LINS1: variants seen among roughly 807,000 people sequenced by gnomAD.
The protein encoded by LINS1 is protein Lines homolog 1.
In LINS1, 27 loss-of-function variants were observed where a neutral mutation model predicts 41.6. That is an observed-to-expected ratio of 0.65 (90% CI 0.48 to 0.89). The LOEUF is 0.89. Among genes scored for constraint, LINS1 ranks in the 40% least tolerant of loss-of-function variants. LINS1 has a pLI of 0.00. For missense variants in LINS1, 955 were observed against 884.1 expected (o/e 1.08, Z -1.02); for synonymous variants, 336 against 312.9 (o/e 1.07, Z -0.78).
At chr15:100,571,756 A>G in intron 6 of LINS1, 138 bp downstream of exon 6, 1 of 1,008,404 alleles carries the variant, frequency 9.9e-7, no homozygotes, top group Non-Finnish European at 1.5e-6. Context: ...CATGTAAGTC[A>G]GGGTTAAAGA....
intron 1 of LINS1, among the ~76,000 whole-genome samples, 177 bp downstream of exon 1, chr15:100,601,944 C>T (rs769097056): frequency 5.3e-5 from 8 of 152,298 alleles, no homozygotes; most frequent in Non-Finnish European, 4.4e-5. Flanking sequence ...GACAGCCGCG[C>T]CAAGACCGGG....
Position 100,570,265 on chromosome 15 carries a change from A to ATTCCC in LINS1, c.1395-153_1395-149dup, listed in dbSNP as rs1236901275. On this transcript the variant is annotated intron_variant, in intron 6 of 6. Transcript: ENST00000314742. ...CTTAAAAGAAAAAATTTCAAAACCCATTCCCTTCCCCATAAGCTCTAAAGA... is the reference window on the plus strand; with the variant it reads ...CTTAAAAGAAAAAATTTCAAAACCCATTCCCTTCCCTTCCCCATAAGCTCTAAAGA... 3 of 597,152 alleles carry ATTCCC rather than the reference A, an allele frequency of 5.0e-6. No homozygotes were observed. In the African/African-American group the frequency reaches 5.7e-5, roughly 11 times the overall value. The allele number at this position is 597,152 out of a possible 1,614,324, so 37.0% of individuals were successfully genotyped here.
intron 3 of LINS1, 84 bp from the exon 4 acceptor site, chr15:100,575,212 T>A: frequency 8.0e-7 from 1 of 1,250,234 alleles, no homozygotes; most frequent in Non-Finnish European, 1.1e-6. Context: ...GTTTATACAT[T>A]TGGCCAAAAG....
At chr15:100,591,976 C>T (rs2039058171) in intron 1 of LINS1, among the ~76,000 whole-genome samples, 1 of 152,160 alleles carries the variant, frequency 6.6e-6, no homozygotes, top group Non-Finnish European at 1.5e-5. Flanking sequence ...GGCTAATTCA[C>T]GCTGACTTCC....
In LINS1 at chr15:100,573,783, C is replaced by T. The variant is rs763516919; in HGVS notation, c.1090G>A (p.Gly364Ser). ...SVYEKHSFFG[G>S]DEVQPECELI... ...TCACATTCAGGTTGAACTTCATCAC[C>T]TCCAAAAAAGGAATGTTTTTCATAA... Residue 364 changes from glycine to serine, a missense_variant, in exon 5 of 7, where the codon GGT becomes AGT. Transcript: ENST00000314742. The T allele has an allele frequency of 8.7e-6, 14 of 1,614,140 alleles. No homozygotes were observed. Among genetic ancestry groups the T allele is most frequent in the Non-Finnish European group, 1.2e-5 (14 of 1,180,030 alleles).
intron 6 of LINS1, among the ~76,000 whole-genome samples, chr15:100,571,016 G>A (rs1428183642): frequency 6.6e-6 from 1 of 152,120 alleles, no homozygotes; most frequent in Non-Finnish European, 1.5e-5. Flanking sequence ...ACTCTTACAG[G>A]CGTGTGCATT....
At chr15:100,573,495 C>T (rs1045091556) in intron 5 of LINS1, 156 bp downstream of exon 5, 21 of 612,982 alleles carry the variant, frequency 3.4e-5, no homozygotes, top group East Asian at 6.5e-5. Context: ...AAATCCAGTT[C>T]TTTTTTTTTT....
At chr15:100,582,237 G>C (rs1489065450) in intron 1 of LINS1, among the ~76,000 whole-genome samples, 1 of 148,012 alleles carries the variant, frequency 6.8e-6, no homozygotes, top group Non-Finnish European at 1.5e-5. Flanking sequence ...TCTTACACTG[G>C]GTCTTCTGTC....
At chr15:100,600,843 C>G (rs1272478439) in intron 1 of LINS1, among the ~76,000 whole-genome samples, 2 of 152,122 alleles carry the variant, frequency 1.3e-5, no homozygotes, top group Non-Finnish European at 2.9e-5. Flanking sequence ...CAGGCCCACC[C>G]TACACCCACT....
At chr15:100,592,288 C>T (rs140419460) in intron 1 of LINS1, among the ~76,000 whole-genome samples, 33 of 152,306 alleles carry the variant, frequency 2.2e-4, no homozygotes, top group Admixed American at 7.8e-4. Flanking sequence ...TCCCTTGCTT[C>T]GTTTGTGCTT....
intron 1 of LINS1, among the ~76,000 whole-genome samples, chr15:100,591,437 G>C (rs2039032674): frequency 6.6e-6 from 1 of 152,168 alleles, no homozygotes; most frequent in Admixed American, 6.5e-5. Context: ...ACCTAAGTGA[G>C]AACGTGACCA....
In LINS1 at chr15:100,599,963, G is replaced by A. The variant is rs2039409190; in HGVS notation, c.-104+2158C>T. On this transcript the variant is annotated intron_variant, in intron 1 of 6. Coordinates refer to ENST00000314742, the MANE Select transcript of LINS1 (RefSeq NM_001040616.3). ...TGTCTGTAGTCCCAGGTACTCAGGAGGCTGGGACAGGAGAACTGCTTGAAC... is the reference window on the plus strand; with the variant it reads ...TGTCTGTAGTCCCAGGTACTCAGGAAGCTGGGACAGGAGAACTGCTTGAAC... Among the ~76,000 whole-genome samples, 4 of 152,260 alleles carry A rather than the reference G, an allele frequency of 2.6e-5. 1 individual carries two copies. The highest frequency in any genetic ancestry group is 2.6e-4 in the Admixed American group (4 of 15,302).
chr15:100,569,847 A>G lies in LINS1; in HGVS notation c.1665T>C (p.Ser555=), dbSNP rs543460767. 6.2e-7 allele frequency: 1 copy of G among 1,614,198 alleles called. No homozygotes were observed. Among genetic ancestry groups the G allele is most frequent in the South Asian group, 1.1e-5 (1 of 91,086 alleles). Residue 555 remains serine (S), a synonymous_variant, in exon 7 of 7, where the codon AGT becomes AGC. Coordinates refer to ENST00000314742, the MANE Select transcript of LINS1 (RefSeq NM_001040616.3). ...CAAGTGAGGGGACACAGCCACAAAT[A>G]CTTATGTCATATTTAGATTCAGTTG... ...FDATESKYDI[S]ICGCVPSLVQ...
At chr15:100,597,899 A>C (rs1283282526) in intron 1 of LINS1, among the ~76,000 whole-genome samples, 1 of 152,260 alleles carries the variant, frequency 6.6e-6, no homozygotes, top group Admixed American at 6.5e-5. Flanking sequence ...CAAGTAGCAT[A>C]CTCAAAGATT....
At chr15:100,573,515 T>G (rs758045040) in intron 5 of LINS1, 136 bp downstream of exon 5, 8 of 704,682 alleles carry the variant, frequency 1.1e-5, no homozygotes. Context: ...TTTTTGAAAA[T>G]GTAATAAGTT....
rs985504109 is a variant in LINS1, at chr15:100,580,722, A to C, written c.121T>G (p.Cys41Gly). ...YLNPAVSDQD[C>G]STATSLEWAN... ...CATTCTAAGGAGGTGGCTGTAGAACAATCTTGATCTGAAACTGCTGGGTTG... is the reference window on the plus strand; with the variant it reads ...CATTCTAAGGAGGTGGCTGTAGAACCATCTTGATCTGAAACTGCTGGGTTG... The change falls in exon 2 of 7, where the codon TGT becomes GGT. Residue 41 changes from cysteine to glycine, a missense_variant. Physicochemically the swap from Cys to Gly is radical, Grantham distance 159. Transcript: ENST00000314742. The C allele has an allele frequency of 6.2e-6, 10 of 1,611,584 alleles. No homozygotes were observed. Among genetic ancestry groups the C allele is most frequent in the Admixed American group, 3.3e-5 (2 of 59,818 alleles).
At position 100,574,215 on chromosome 15, in the gene LINS1, A is replaced by G; in HGVS notation, c.658T>C (p.Phe220Leu). 6.2e-7 allele frequency: 1 copy of G among 1,610,332 alleles called. No individual in the cohort carries two copies. Among genetic ancestry groups the G allele is most frequent in the South Asian group, 1.1e-5 (1 of 90,854 alleles). ...TAAAACACTTCAAAAATGGTGTCGA[A>G]ATGAGTCAGGAACTGCTTTAGAATT... ...TEILKQFLTH[F>L]DTIFEVFYNS... The change falls in exon 5 of 7, where the codon TTC becomes CTC. Residue 220 changes from phenylalanine to leucine, a missense_variant. Physicochemically the swap from Phe to Leu is conservative, Grantham distance 22 (BLOSUM62 0). Coordinates refer to ENST00000314742, the MANE Select transcript of LINS1 (RefSeq NM_001040616.3).
At chr15:100,591,382 G>A (rs1352000162) in intron 1 of LINS1, among the ~76,000 whole-genome samples, 1 of 152,116 alleles carries the variant, frequency 6.6e-6, no homozygotes, top group Admixed American at 6.6e-5. Context: ...CAAAATGAAG[G>A]TAACTGAGAG....
chr15:100,600,604 A>T (rs2039447824), intron 1 of LINS1, among the ~76,000 whole-genome samples: 1 of 149,742 alleles, frequency 6.7e-6, no homozygotes, highest in African/African-American at 2.5e-5. Flanking sequence ...CGAAAGACCG[A>T]AAGCTACTAA....
Sources: gnomAD v4.1 joint callset for allele counts (sites outside exome capture counted in the v4.1 genomes callset) on GRCh38, gnomAD v4.1.1 for gene constraint, MANE v1.5 for transcripts, NCBI Gene and HGNC (gene_info 2026-07-23, HGNC 2026-07-21) for gene names.